The following SNRNP35 variants were observed in gnomAD, a reference collection of about 807,000 sequenced individuals.
SNRNP35 encodes the protein U11/U12 small nuclear ribonucleoprotein 35 kDa protein.
Under a neutral mutation model 24.3 loss-of-function variants are expected in SNRNP35, and 16 were observed. The ratio of observed to expected loss-of-function variants is 0.66; its 90% confidence interval spans 0.45 to 1.00. The LOEUF (loss-of-function observed/expected upper bound fraction) is 1.00, where lower values mean the gene tolerates loss of function less well. SNRNP35 is among the 50% of genes least tolerant of loss of function. SNRNP35 has a pLI of 0.00. For synonymous variants in SNRNP35, 106 were observed against 124.8 expected (o/e 0.85, Z 1.00); for missense variants, 292 against 327.2 (o/e 0.89, Z 0.83).
At chr12:123,467,026 T>G (rs1316443879), downstream of SNRNP35, 1 of 152,228 alleles carries the variant, frequency 6.6e-6, no homozygotes, top group Non-Finnish European at 1.5e-5. Context: ...TCATCTTGAG[T>G]ACGTGGCAAA....
At chr12:123,460,656 C>T (rs1050867521) in intron 1 of SNRNP35, among the ~76,000 whole-genome samples, 12 of 148,300 alleles carry the variant, frequency 8.1e-5, no homozygotes, top group Admixed American at 5.4e-4. Context: ...TGAGTAATTC[C>T]AGGTACTCAG....
At chr12:123,461,157 C>T (rs1298528326) in intron 1 of SNRNP35, among the ~76,000 whole-genome samples, 1 of 150,662 alleles carries the variant, frequency 6.6e-6, no homozygotes, top group East Asian at 2.0e-4. Flanking sequence ...GCTCTGTCGC[C>T]CAGGCTGGAG....
At chr12:123,464,011 G>A (rs1386801664) in intron 1 of SNRNP35, among the ~76,000 whole-genome samples, 1 of 145,918 alleles carries the variant, frequency 6.9e-6, no homozygotes, top group Non-Finnish European at 1.5e-5. Flanking sequence ...TCGGCTCACC[G>A]CAACCTCCAC....
At chr12:123,469,894 C>T (rs1233903451), downstream of SNRNP35, among the ~76,000 whole-genome samples, 1 of 151,520 alleles carries the variant, frequency 6.6e-6, no homozygotes, top group Non-Finnish European at 1.5e-5. Context: ...AAAGGAGGGC[C>T]AGGTATGGTG....
At chr12:123,461,977 C>T (rs1053974184) in intron 1 of SNRNP35, among the ~76,000 whole-genome samples, 1 of 152,160 alleles carries the variant, frequency 6.6e-6, no homozygotes, top group Non-Finnish European at 1.5e-5. Flanking sequence ...GCCTCGGCCT[C>T]CCAAGATGCT....
chr12:123,468,614 C>G (rs993728092), downstream of SNRNP35, among the ~76,000 whole-genome samples: 7 of 151,974 alleles, frequency 4.6e-5, no homozygotes, highest in African/African-American at 1.7e-4. Context: ...TGCTCGAGCC[C>G]GGGAAGCAGA....
chr12:123,462,575 C>T (rs551225094), intron 1 of SNRNP35, among the ~76,000 whole-genome samples: 9 of 148,636 alleles, frequency 6.1e-5, no homozygotes, highest in South Asian at 2.1e-4. Context: ...GGCATGTTCT[C>T]GGCTCACTGC....
intron 1 of SNRNP35, chr12:123,459,953 T>A: frequency 8.4e-7 from 1 of 1,187,904 alleles, no homozygotes. Context: ...TCCATGCTTA[T>A]CCGTTTGTAA....
At chr12:123,461,726 T>A (rs1046746283) in intron 1 of SNRNP35, among the ~76,000 whole-genome samples, 5 of 151,596 alleles carry the variant, frequency 3.3e-5, no homozygotes, top group Admixed American at 1.3e-4. Flanking sequence ...TCTATGATTT[T>A]TTTTTTTTTT....
At chr12:123,464,876 G>T (rs530362890) in intron 1 of SNRNP35, 2 of 152,306 alleles carry the variant, frequency 1.3e-5, no homozygotes, top group East Asian at 3.9e-4. Context: ...ACAGAATGGT[G>T]CATCCAAATC....
At chr12:123,471,260 T>TG (rs1251360665), downstream of SNRNP35, 1 of 151,998 alleles carries the variant, frequency 6.6e-6, no homozygotes, top group African/African-American at 2.4e-5. Context: ...TTTGTAGAGA[T>TG]GGGGTTTCAC....
At chr12:123,461,216 C>T (rs568010766) in intron 1 of SNRNP35, among the ~76,000 whole-genome samples, 67 of 151,028 alleles carry the variant, frequency 4.4e-4, no homozygotes, top group Admixed American at 3.3e-4. Flanking sequence ...CCCGGGTTCA[C>T]GCCATTCTCC....
Position 123,459,729 on chromosome 12 carries a change from A to G in SNRNP35, c.-4+1513A>G, listed in dbSNP as rs1272007043. 4.0e-5 allele frequency: 34 copies of G among 857,964 alleles called. No individual in the cohort carries two copies. The East Asian group carries it at 8.6e-4, about 22-fold the overall frequency. The allele number at this position is 857,964 out of a possible 1,614,324, so 53.1% of individuals were successfully genotyped here. A position where few individuals can be genotyped will look rare whatever the true frequency, so the allele number is the denominator to read the frequency against. On this transcript the variant is annotated intron_variant, in intron 1 of 1. Coordinates refer to ENST00000526639, the MANE Select transcript of SNRNP35 (RefSeq NM_022717.4). Reference sequence around the variant, plus strand: ...CTTGAACCTGGGAGGCAGAGGTTGCAGTGAGCCGAGATTGGCCATTGCACT... The same window carrying G: ...CTTGAACCTGGGAGGCAGAGGTTGCGGTGAGCCGAGATTGGCCATTGCACT...
chr12:123,468,971 CATT>C (rs1881072742), downstream of SNRNP35, among the ~76,000 whole-genome samples: 1 of 152,144 alleles, frequency 6.6e-6, no homozygotes, highest in South Asian at 2.1e-4. Flanking sequence ...CCTAGATAAA[CATT>C]AATAAATATC....
At chr12:123,459,788 A>AGTAAAAAAAGAGAATG (rs1880500480) in intron 1 of SNRNP35, 2 of 1,520,558 alleles carry the variant, frequency 1.3e-6, no homozygotes, top group East Asian at 2.5e-5. Context: ...CTTTGTCTCG[A>AGTAAAAAAAGAGAATG]GTAAAAAAAG....
At chr12:123,469,478 A>C (rs774824740), downstream of SNRNP35, among the ~76,000 whole-genome samples, 23 of 150,840 alleles carry the variant, frequency 1.5e-4, no homozygotes, top group Non-Finnish European at 3.3e-4. Flanking sequence ...TTATGTACTC[A>C]TATGGAGTTA....
chr12:123,460,856 C>T (rs1464519774), intron 1 of SNRNP35, among the ~76,000 whole-genome samples: 1 of 151,578 alleles, frequency 6.6e-6, no homozygotes, highest in Admixed American at 6.6e-5. Context: ...CGGGGTTACT[C>T]CATGTTGGTC....
At position 123,466,292 on chromosome 12, in the gene SNRNP35, G is replaced by A; in HGVS notation, c.*11G>A. ...GAAAGAGGCAAGTAGAGGCCCAACA[G>A]CAGAACCCCAAAGTGAAGTTACAGT... On this transcript the variant is annotated 3_prime_UTR_variant, in exon 2 of 2. Coordinates refer to ENST00000526639, the MANE Select transcript of SNRNP35 (RefSeq NM_022717.4). The A allele has an allele frequency of 6.6e-7, 1 of 1,511,692 alleles. No homozygotes were observed. Among genetic ancestry groups the A allele is most frequent in the Non-Finnish European group, 8.8e-7 (1 of 1,132,672 alleles). The allele number at this position is 1,511,692 out of a possible 1,614,324, so 93.6% of individuals were successfully genotyped here.
At chr12:123,462,374 T>C (rs1285252238) in intron 1 of SNRNP35, among the ~76,000 whole-genome samples, 3 of 152,130 alleles carry the variant, frequency 2.0e-5, no homozygotes, top group East Asian at 1.9e-4. Context: ...TTAGGGCATA[T>C]TCAAGGAAGG....
Sources: gnomAD v4.1 joint callset for allele counts (sites outside exome capture counted in the v4.1 genomes callset) on GRCh38, gnomAD v4.1.1 for gene constraint, MANE v1.5 for transcripts, NCBI Gene and HGNC (gene_info 2026-07-23, HGNC 2026-07-21) for gene names.